The following PXK variants were observed in gnomAD, a reference collection of about 807,000 sequenced individuals.
The protein encoded by PXK is PX domain-containing protein kinase-like protein.
A neutral mutation model predicts 84.7 loss-of-function variants in PXK; 35 were observed. That is an observed-to-expected ratio of 0.41 (90% CI 0.32 to 0.55). PXK has a LOEUF of 0.55. Ranked by LOEUF, PXK falls within the 20% of genes least tolerant of loss-of-function variation. PXK has a pLI of 0.21. For missense variants in PXK, 634 were observed against 699.7 expected, an observed-to-expected ratio of 0.91 and a Z score of 1.06; for synonymous variants, 253 against 260.8, an observed-to-expected ratio of 0.97 and a Z score of 0.29.
At chr3:58,423,259 T>C (rs2107847036) in intron 17 of PXK, 1 of 974,792 alleles carries the variant, frequency 1.0e-6, no homozygotes, top group Non-Finnish European at 1.2e-6. Context: ...CTCTGTAACC[T>C]GGTGACATAA....
chr3:58,376,178 G>A (rs1292638572), intron 3 of PXK, among the ~76,000 whole-genome samples: 1 of 152,138 alleles, frequency 6.6e-6, no homozygotes, highest in Non-Finnish European at 1.5e-5. Context: ...ACTTTGGGAG[G>A]CTGAGGTGGG....
In PXK at chr3:58,359,627, TA is replaced by T. The variant is rs1158233747; in HGVS notation, c.103-6239del. On this transcript the variant is annotated intron_variant, in intron 1 of 17. Transcript: ENST00000356151. ...ATTTAACATTTTTTCCCTCTAGACA[TA>T]AAAAAAACATGTTTATGTGTAGTTG... is the stretch of plus-strand genomic sequence containing the variant. Among the ~76,000 whole-genome samples, 19 of 151,798 alleles carry T rather than the reference TA, an allele frequency of 1.3e-4. No individual in the cohort carries two copies. The East Asian group carries it at 2.5e-3, about 20-fold the overall frequency.
chr3:58,391,774 C>G lies in PXK; in HGVS notation c.542C>G (p.Ala181Gly). Residue 181 changes from alanine (A) to glycine (G), a missense_variant and splice_region_variant, in exon 7 of 18, where the codon GCT (alanine) becomes GGT (glycine). By Grantham distance (60) the Ala-to-Gly change is moderately conservative (BLOSUM62 0). This residue lies in a region of PXK where 353 missense variants were observed against 385.2 expected (regional missense o/e 0.92). Coordinates refer to ENST00000356151, the MANE Select transcript of PXK (RefSeq NM_017771.5). ...QPKERLVLSW[A>G]DLGPDKYLSD... is the part of the protein sequence containing the mutation. ...TGATATTCCCTTCCATGTTTTCAGG[C>G]TGACCTTGGCCCAGACAAGTATTTG... 6.2e-7 allele frequency: 1 copy of G among 1,612,778 alleles called. No homozygotes were observed. Among genetic ancestry groups the G allele is most frequent in the Non-Finnish European group, 8.5e-7 (1 of 1,178,816 alleles).
intron 17 of PXK, among the ~76,000 whole-genome samples, chr3:58,419,094 T>C (rs1050521003): frequency 4.6e-5 from 7 of 152,364 alleles, no homozygotes; most frequent in Admixed American, 6.5e-5. Context: ...GAAAAGGCTA[T>C]GATCTAATGC....
rs924312239 is a variant in PXK, at chr3:58,396,261, A to G, written c.822+502A>G. Among the ~76,000 whole-genome samples the G allele has an allele frequency of 3.3e-5, 5 of 152,234 alleles. No individual in the cohort carries two copies. In the East Asian group the frequency reaches 9.6e-4, roughly 29 times the overall value. On this transcript the variant is annotated intron_variant, in intron 9 of 17. Coordinates refer to ENST00000356151, the MANE Select transcript of PXK (RefSeq NM_017771.5). ...AATTATATGCGTGTACTATGCACAT[A>G]CATATATGTGTATGTGTGTATATAT...
chr3:58,375,284 A>G (rs2098430189), intron 3 of PXK, among the ~76,000 whole-genome samples: 3 of 152,216 alleles, frequency 2.0e-5, no homozygotes, highest in Admixed American at 2.0e-4. Flanking sequence ...GGTATTTTAA[A>G]AATCCTTGCT....
chr3:58,397,737 G>A lies in PXK; in HGVS notation c.1102+15G>A, dbSNP rs750210674. Reference sequence around the variant, plus strand: ...CATGGCTGTGGGTCAGTATGGGGTTGGGAAGGGTCTTCTGGGCCCTAGTAG... The same window carrying A: ...CATGGCTGTGGGTCAGTATGGGGTTAGGAAGGGTCTTCTGGGCCCTAGTAG... On this transcript the variant is annotated intron_variant, in intron 11 of 17. Coordinates refer to ENST00000356151, the MANE Select transcript of PXK (RefSeq NM_017771.5). The surrounding 1 kb of genome is among the most constrained non-coding windows in gnomAD (Gnocchi z 4.7). 1.9e-6 allele frequency: 3 copies of A among 1,593,104 alleles called. No homozygotes were observed. In the South Asian group the frequency reaches 3.3e-5, roughly 18 times the overall value.
In PXK at chr3:58,385,255, C is replaced by T. The variant is rs2098541716; in HGVS notation, c.388+2555C>T. 6.6e-6 allele frequency among the ~76,000 whole-genome samples: 1 copy of T among 152,164 alleles called. No individual in the cohort carries two copies. Among genetic ancestry groups the T allele is most frequent in the Admixed American group, 6.5e-5 (1 of 15,272 alleles). On this transcript the variant is annotated intron_variant, in intron 4 of 17. Coordinates refer to ENST00000356151, the MANE Select transcript of PXK (RefSeq NM_017771.5). The surrounding 1 kb of genome is among the most constrained non-coding windows in gnomAD (Gnocchi z 5.1). ...CTGGCTGCTATTCAGAGGGCACAAT[C>T]CCGGAATTAAACAATAGGTGATGGA... is the stretch of plus-strand genomic sequence containing the variant.
At chr3:58,402,731 C>T (rs547143812) in intron 12 of PXK, among the ~76,000 whole-genome samples, 1 of 150,572 alleles carries the variant, frequency 6.6e-6, no homozygotes, top group South Asian at 2.1e-4. Flanking sequence ...GCACCCGGCC[C>T]ATGCTATTGT....
At chr3:58,422,935 T>G (rs892485983) in intron 17 of PXK, 8 of 985,296 alleles carry the variant, frequency 8.1e-6, no homozygotes, top group African/African-American at 3.5e-5. Flanking sequence ...ACCCTGGAGC[T>G]CCTTCTGTTA....
intron 1 of PXK, among the ~76,000 whole-genome samples, chr3:58,351,241 C>G (rs1478856524): frequency 6.6e-6 from 1 of 152,182 alleles, no homozygotes; most frequent in Non-Finnish European, 1.5e-5. Flanking sequence ...GGGTCTCACT[C>G]TATCGCCCAG....
At chr3:58,389,679 A>C (rs55704295) in intron 4 of PXK, among the ~76,000 whole-genome samples, 44,183 of 110,806 alleles carry the variant, frequency 0.4, 7,228 homozygotes, top group Middle Eastern at 0.5. Context: ...AAAACAAACA[A>C]AAAAAAAAAC....
At position 58,424,600 on chromosome 3, in the gene PXK, T is replaced by A. The variant is rs944249604; in HGVS notation, c.1529-152T>A. On this transcript the variant is annotated intron_variant, in intron 17 of 17. Coordinates refer to ENST00000356151, the MANE Select transcript of PXK (RefSeq NM_017771.5). ...CTTTGATGCTTCTAGCTTTCTTTAG[T>A]ATTTTAAGAACTCATACAGTACTAG... 3.7e-6 allele frequency: 4 copies of A among 1,066,886 alleles called. No homozygotes were observed. The East Asian group carries it at 1.1e-4, about 28-fold the overall frequency. 66.1% of individuals were successfully genotyped at this position (1,066,886 alleles called of 1,614,324 possible).
At position 58,407,185 on chromosome 3, in the gene PXK, A is replaced by G. The variant is rs1440305937; in HGVS notation, c.1231-1739A>G. 6.6e-6 allele frequency among the ~76,000 whole-genome samples: 1 copy of G among 152,188 alleles called. No homozygotes were observed. The highest frequency in any genetic ancestry group is 1.5e-5 in the Non-Finnish European group (1 of 68,038). On this transcript the variant is annotated intron_variant, in intron 13 of 17. Transcript: ENST00000356151. The surrounding 1 kb of genome is among the most constrained non-coding windows in gnomAD (Gnocchi z 4.3). Reference sequence around the variant, plus strand: ...CTCTACATTTCCACCAGCAGTGTACAAGGGCTTCAGTTTCTCCACATTCTC... The same window carrying G: ...CTCTACATTTCCACCAGCAGTGTACGAGGGCTTCAGTTTCTCCACATTCTC...
intron 3 of PXK, among the ~76,000 whole-genome samples, chr3:58,381,248 C>CAAAAA (rs34425100): frequency 2.1e-5 from 2 of 97,490 alleles, no homozygotes; most frequent in African/African-American, 3.8e-5. Context: ...GACTCCGTCT[C>CAAAAA]AAAAAAAAAA....
At position 58,421,793 on chromosome 3, in the gene PXK, G is replaced by A. The variant is rs181613401; in HGVS notation, c.1529-2959G>A. 2.0e-6 allele frequency: 2 copies of A among 985,460 alleles called. No homozygotes were observed. Among genetic ancestry groups the A allele is most frequent in the Admixed American group, 6.1e-5 (1 of 16,290 alleles). The allele number at this position is 985,460 out of a possible 1,614,324, so 61.0% of individuals were successfully genotyped here. A position where few individuals can be genotyped will look rare whatever the true frequency, so the allele number is the denominator to read the frequency against. ...GTAGAGTAAGTAGTTGGCTCTCAGG[G>A]ATTTTGTCTAAGAGAAAGTGAGATG... On this transcript the variant is annotated intron_variant, in intron 17 of 17. Transcript: ENST00000356151. This position sits in a 1 kb window ranked among gnomAD's most constrained non-coding sequence, Gnocchi z 5.5.
intron 1 of PXK, among the ~76,000 whole-genome samples, chr3:58,355,632 A>G (rs550788359): frequency 1.3e-5 from 2 of 152,344 alleles, no homozygotes; most frequent in East Asian, 1.9e-4. Flanking sequence ...TCAGAAACTC[A>G]GGAAAACAAA....
chr3:58,380,132 A>C (rs1399396471), intron 3 of PXK, among the ~76,000 whole-genome samples: 3 of 152,164 alleles, frequency 2.0e-5, no homozygotes, highest in Non-Finnish European at 2.9e-5. Context: ...AGGCCAAATA[A>C]CTTAAGGAGA....
At chr3:58,348,073 A>T (rs1248155492) in intron 1 of PXK, among the ~76,000 whole-genome samples, 1 of 151,942 alleles carries the variant, frequency 6.6e-6, no homozygotes. Context: ...GTGCCCGGCT[A>T]ATTTTTGTGT....
Sources: allele counts gnomAD v4.1 joint callset (sites outside exome capture counted in the v4.1 genomes callset), GRCh38; gene constraint gnomAD v4.1.1; regional missense constraint gnomAD v4.1.1; non-coding constraint Gnocchi (gnomAD v3.1); transcripts MANE v1.5; gene names NCBI Gene and HGNC (gene_info 2026-07-23, HGNC 2026-07-21).